The following BCAS3 variants were observed in gnomAD, a reference collection of about 807,000 sequenced individuals.
BCAS3 encodes the protein BCAS4/BCAS3 fusion.
Under a neutral mutation model 116.1 loss-of-function variants are expected in BCAS3, and 53 were observed. The observed-to-expected ratio is 0.46, with a 90% CI of 0.37 to 0.57. The LOEUF is 0.57. BCAS3 is among the 20% of genes least tolerant of loss of function. BCAS3 has a pLI of 0.00. For missense variants in BCAS3, 917 were observed against 1,165.4 expected (o/e 0.79, Z 3.10); for synonymous variants, 391 against 408.2 (o/e 0.96, Z 0.51).
chr17:61,025,687 T>G (rs1340194745), intron 16 of BCAS3, among the ~76,000 whole-genome samples: 2 of 151,942 alleles, frequency 1.3e-5, no homozygotes, highest in African/African-American at 4.8e-5. Context: ...CTATCCTTGC[T>G]TGGCATTGGC....
At chr17:60,924,226 G>T (rs2059251115) in intron 12 of BCAS3, among the ~76,000 whole-genome samples, 181 bp from the exon 13 acceptor site, 1 of 152,140 alleles carries the variant, frequency 6.6e-6, no homozygotes. Context: ...GTGCGTGGGG[G>T]CATGTTATAT....
At chr17:61,090,750 C>A (rs200752718) in intron 22 of BCAS3, among the ~76,000 whole-genome samples, 2 of 151,998 alleles carry the variant, frequency 1.3e-5, no homozygotes, top group Admixed American at 1.3e-4. Flanking sequence ...CTCTGCCTCT[C>A]GGGTTCAAGC....
At chr17:61,322,856 C>CAGAG (rs149772722) in intron 22 of BCAS3, among the ~76,000 whole-genome samples, 913 of 60,482 alleles carry the variant, frequency 0.015, 9 homozygotes, top group South Asian at 0.024. Flanking sequence ...GAGAGAGAGA[C>CAGAG]AGAGAGAGAG....
Position 60,990,233 on chromosome 17 carries a change from A to G in BCAS3, c.1484A>G (p.His495Arg), listed in dbSNP as rs1167845292. The change falls in exon 15 of 24, where the codon CAT (histidine) becomes CGT (arginine). Residue 495 changes from histidine to arginine, a missense_variant and splice_region_variant. By Grantham distance (29) the His-to-Arg change is conservative (BLOSUM62 0). Coordinates refer to ENST00000407086, the MANE Select transcript of BCAS3 (RefSeq NM_017679.5). The surrounding 1 kb of genome is among the most constrained non-coding windows in gnomAD (Gnocchi z 5.1). ...LSSSPSGSPL[H>R]GKLNSQDSYN... ...AGCAGCCCTTCTGGGTCACCCTTGC[A>G]TGGTAATTTTCTCTGTCTCCACTGT... The G allele has an allele frequency of 1.2e-6, 2 of 1,612,338 alleles. No individual in the cohort carries two copies. Among genetic ancestry groups the G allele is most frequent in the African/African-American group, 1.3e-5 (1 of 74,904 alleles).
In BCAS3 at chr17:61,344,417, T is replaced by G. The variant is rs4968431; in HGVS notation, c.2426-23910T>G. 0.41 allele frequency among the ~76,000 whole-genome samples: 61,708 copies of G among 152,022 alleles called. 13,265 individuals are homozygous for G. Among genetic ancestry groups the G allele is most frequent in the East Asian group, 0.78 (4,051 of 5,166 alleles). On this transcript the variant is annotated intron_variant, in intron 22 of 23. Transcript: ENST00000407086. This position sits in a 1 kb window ranked among gnomAD's most constrained non-coding sequence, Gnocchi z 4.1. ...CTTTCTTCCATCTGTGCACTGATGTTAGTGTCCCGTTGTCATTTAAGTCCT... is the reference window on the plus strand; with the variant it reads ...CTTTCTTCCATCTGTGCACTGATGTGAGTGTCCCGTTGTCATTTAAGTCCT...
Position 61,339,241 on chromosome 17 carries a change from T to C in BCAS3, c.2426-29086T>C, listed in dbSNP as rs1273693508. 6.6e-6 allele frequency among the ~76,000 whole-genome samples: 1 copy of C among 152,152 alleles called. No individual in the cohort carries two copies. Among genetic ancestry groups the C allele is most frequent in the African/African-American group, 2.4e-5 (1 of 41,426 alleles). On this transcript the variant is annotated intron_variant, in intron 22 of 23. Coordinates refer to ENST00000407086, the MANE Select transcript of BCAS3 (RefSeq NM_017679.5). The surrounding 1 kb of genome is among the most constrained non-coding windows in gnomAD (Gnocchi z 4.4). The stretch of plus-strand genomic sequence containing the variant: ...GCCACTTGCCCTTGGTCGGTTTTAC[T>C]CCCTGCCCCTAGTGCCCACCTCTCC...
At chr17:60,764,520 T>A (rs1463566320) in intron 6 of BCAS3, among the ~76,000 whole-genome samples, 2 of 152,224 alleles carry the variant, frequency 1.3e-5, no homozygotes, top group African/African-American at 4.8e-5. Flanking sequence ...GTGAGTTTTT[T>A]AATCCTGAGT....
rs1009837280 is a variant in BCAS3 at position 61,366,863 on chromosome 17, C to T, written c.2426-1464C>T. 1.3e-5 allele frequency among the ~76,000 whole-genome samples: 2 copies of T among 152,234 alleles called. No individual in the cohort carries two copies. Among genetic ancestry groups the T allele is most frequent in the Admixed American group, 1.3e-4 (2 of 15,290 alleles). ...GGAGCCAGTAGTGACCCTTGCCACA[C>T]ATATAAATCGCAGCAGGCTGGCCAA... is the stretch of plus-strand genomic sequence containing the variant. On this transcript the variant is annotated intron_variant, in intron 22 of 23. Transcript: ENST00000407086. This position sits in a 1 kb window ranked among gnomAD's most constrained non-coding sequence, Gnocchi z 4.5.
At chr17:60,905,914 A>AT (rs1232373134) in intron 11 of BCAS3, among the ~76,000 whole-genome samples, 1 of 152,230 alleles carries the variant, frequency 6.6e-6, no homozygotes, top group African/African-American at 2.4e-5. Context: ...CTATCCCACC[A>AT]TAATCTTTTA....
intron 22 of BCAS3, among the ~76,000 whole-genome samples, chr17:61,263,341 G>C (rs964825281): frequency 1.3e-5 from 2 of 152,234 alleles, no homozygotes; most frequent in African/African-American, 4.8e-5. Context: ...CACCTGGCAG[G>C]CCTTCGGTAG....
intron 5 of BCAS3, among the ~76,000 whole-genome samples, chr17:60,717,567 A>T (rs887231020): frequency 2.6e-5 from 4 of 152,204 alleles, no homozygotes; most frequent in African/African-American, 9.7e-5. Flanking sequence ...AGCTGGAGTT[A>T]GGAGAGCAAA....
chr17:61,330,739 A>G (rs1456929264), intron 22 of BCAS3, among the ~76,000 whole-genome samples: 1 of 152,206 alleles, frequency 6.6e-6, no homozygotes, highest in East Asian at 1.9e-4. Flanking sequence ...CTCCGGCAGC[A>G]ATGGCCAGGG....
At chr17:61,242,605 T>C (rs2047613293) in intron 22 of BCAS3, among the ~76,000 whole-genome samples, 1 of 152,172 alleles carries the variant, frequency 6.6e-6, no homozygotes, top group Non-Finnish European at 1.5e-5. Context: ...TGGCAGAACC[T>C]GTGGTTAAAA....
At chr17:61,296,591 G>A (rs1241322884) in intron 22 of BCAS3, among the ~76,000 whole-genome samples, 1 of 152,128 alleles carries the variant, frequency 6.6e-6, no homozygotes, top group Non-Finnish European at 1.5e-5. Flanking sequence ...TTATTACTAT[G>A]TTTTTCTGTA....
Position 61,349,360 on chromosome 17 carries a change from G to A in BCAS3, c.2426-18967G>A, listed in dbSNP as rs1417966391. Among the ~76,000 whole-genome samples, 1 of 152,150 alleles carries A rather than the reference G, an allele frequency of 6.6e-6. No individual in the cohort carries two copies. Among genetic ancestry groups the A allele is most frequent in the African/African-American group, 2.4e-5 (1 of 41,436 alleles). On this transcript the variant is annotated intron_variant, in intron 22 of 23. Coordinates refer to ENST00000407086, the MANE Select transcript of BCAS3 (RefSeq NM_017679.5). This position sits in a 1 kb window ranked among gnomAD's most constrained non-coding sequence, Gnocchi z 4.7. Reference sequence around the variant, plus strand: ...CCCATGATCATGAGCCACTGTTACTGATGGAACCATGTCATGAATCCCTCA... The same window carrying A: ...CCCATGATCATGAGCCACTGTTACTAATGGAACCATGTCATGAATCCCTCA...
chr17:61,179,676 G>A (rs1354374000), intron 22 of BCAS3, among the ~76,000 whole-genome samples: 1 of 152,122 alleles, frequency 6.6e-6, no homozygotes, highest in Admixed American at 6.5e-5. Context: ...GGGGCTTTAT[G>A]GTGGTATTAG....
intron 14 of BCAS3, among the ~76,000 whole-genome samples, chr17:60,968,997 G>C (rs919586000): frequency 1.4e-5 from 2 of 144,024 alleles, no homozygotes; most frequent in Non-Finnish European, 3.0e-5. Flanking sequence ...ACCATGAGTT[G>C]GGGGGGGAGA....
chr17:61,250,957 G>A (rs1267174612), intron 22 of BCAS3, among the ~76,000 whole-genome samples: 2 of 152,196 alleles, frequency 1.3e-5, no homozygotes, highest in African/African-American at 4.8e-5. Flanking sequence ...ATGAGCGGGA[G>A]GTCTTAAGAC....
chr17:60,820,472 G>C (rs1220532479), intron 7 of BCAS3, among the ~76,000 whole-genome samples: 2 of 152,122 alleles, frequency 1.3e-5, no homozygotes, highest in Admixed American at 6.5e-5. Flanking sequence ...AGTCTCCCAA[G>C]GCAAGGAACA....
Sources: gnomAD v4.1 joint callset for allele counts (sites outside exome capture counted in the v4.1 genomes callset) on GRCh38, gnomAD v4.1.1 for gene constraint, Gnocchi (gnomAD v3.1) non-coding constraint, MANE v1.5 for transcripts, NCBI Gene and HGNC (gene_info 2026-07-23, HGNC 2026-07-21) for gene names.